The following HMOX2 variants were observed in gnomAD, a reference collection of about 807,000 sequenced individuals.
HMOX2 encodes heme oxygenase 2.
A neutral mutation model predicts 33.7 loss-of-function variants in HMOX2; 30 were observed. That is an observed-to-expected ratio of 0.89 (90% CI 0.67 to 1.21). The LOEUF is 1.21. Among genes scored for constraint, HMOX2 ranks in the 50% most tolerant of loss-of-function variants. The pLI is 0.00. For missense variants in HMOX2, 403 were observed against 399.1 expected (o/e 1.01, Z -0.08); for synonymous variants, 155 against 155.0 (o/e 1.00, Z 0.00).
intron 1 of HMOX2, among the ~76,000 whole-genome samples, chr16:4,504,394 C>CT: frequency 1.1e-5 from 1 of 92,494 alleles, no homozygotes; most frequent in South Asian, 3.3e-4. Flanking sequence ...GAGTTTCACT[C>CT]TTATTGCCCA....
intron 1 of HMOX2, among the ~76,000 whole-genome samples, chr16:4,504,133 A>G (rs1397326857): frequency 6.6e-6 from 1 of 152,192 alleles, no homozygotes; most frequent in African/African-American, 2.4e-5. Flanking sequence ...TGATTGGCCA[A>G]CTTAATATTT....
At chr16:4,487,478 C>T (rs1180410643) in intron 1 of HMOX2, among the ~76,000 whole-genome samples, 1 of 151,450 alleles carries the variant, frequency 6.6e-6, no homozygotes, top group African/African-American at 2.4e-5. Context: ...TGAGACCAGC[C>T]TGACCAACAT....
chr16:4,477,613 G>A (rs2057900372), intron 1 of HMOX2, among the ~76,000 whole-genome samples: 1 of 151,650 alleles, frequency 6.6e-6, no homozygotes, highest in Non-Finnish European at 1.5e-5. Flanking sequence ...AGACAAGGTG[G>A]AGTGTGATTG....
chr16:4,487,787 C>CA (rs1225589421), intron 1 of HMOX2, among the ~76,000 whole-genome samples: 4,593 of 115,792 alleles, frequency 0.04, 275 homozygotes, highest in African/African-American at 0.14. Context: ...GACTCCGTCT[C>CA]AAAAAAAAAA....
rs542821317 is a variant in HMOX2 at position 4,488,457 on chromosome 16, GTT to G, written c.-42+11973_-42+11974del. ...GAAGATTGTGACAGGAAGTTACACA[GTT>G]TTACAGCAAACTGCTGGGATTTTTT... is the stretch of plus-strand genomic sequence containing the variant. On this transcript the variant is annotated intron_variant, in intron 1 of 5. Transcript: ENST00000570646. Among the ~76,000 whole-genome samples the G allele has an allele frequency of 1.5e-3, 221 of 152,252 alleles. 1 individual carries two copies. Among genetic ancestry groups the G allele is most frequent in the Admixed American group, 4.8e-3 (74 of 15,280 alleles).
chr16:4,493,679 T>C (rs929489519), intron 1 of HMOX2, among the ~76,000 whole-genome samples: 2 of 152,190 alleles, frequency 1.3e-5, no homozygotes, highest in Admixed American at 6.5e-5. Flanking sequence ...TTAACATTTG[T>C]TGGGTGCCTA....
Position 4,510,180 on chromosome 16 carries a change from C to T in HMOX2, c.*424C>T, listed in dbSNP as rs1401095955. The stretch of plus-strand genomic sequence containing the variant: ...ACAACTTCTGGGCCTCTCTTGGACC[C>T]TGGGAGTGAGGGTGGGTGTGGGTGG... On this transcript the variant is annotated 3_prime_UTR_variant, in exon 6 of 6. Coordinates refer to ENST00000570646, the MANE Select transcript of HMOX2 (RefSeq NM_002134.4). The T allele has an allele frequency of 5.4e-6, 1 of 186,648 alleles. No homozygotes were observed. The highest frequency in any genetic ancestry group is 1.1e-5 in the Non-Finnish European group (1 of 88,518). 11.6% of individuals were successfully genotyped at this position (186,648 alleles called of 1,614,324 possible).
chr16:4,486,168 C>T (rs2058162756), intron 1 of HMOX2, among the ~76,000 whole-genome samples: 1 of 152,230 alleles, frequency 6.6e-6, no homozygotes, highest in African/African-American at 2.4e-5. Flanking sequence ...GTACACATCT[C>T]TTAATTTGTG....
intron 1 of HMOX2, among the ~76,000 whole-genome samples, chr16:4,486,911 T>C (rs2058182219): frequency 6.6e-6 from 1 of 152,206 alleles, no homozygotes; most frequent in African/African-American, 2.4e-5. Context: ...ATTTTAAGTA[T>C]GGAAGCTCAC....
intron 1 of HMOX2, among the ~76,000 whole-genome samples, chr16:4,479,037 G>C (rs895722733): frequency 3.3e-5 from 5 of 151,984 alleles, no homozygotes; most frequent in Non-Finnish European, 7.3e-5. Flanking sequence ...TGTAATCCCA[G>C]CTACTCGGGA....
In HMOX2 at chr16:4,507,644, G is replaced by T. The variant is rs899660026; in HGVS notation, c.205-69G>T. The T allele has an allele frequency of 4.5e-6, 7 of 1,541,490 alleles. No homozygotes were observed. In the African/African-American group the frequency reaches 9.6e-5, roughly 21 times the overall value. ...TTTGGGGTTGGGGGTTGTCACTTGA[G>T]CCTCTGCATCCAGCTGCTCGGATGT... On this transcript the variant is annotated intron_variant, in intron 3 of 5. Transcript: ENST00000570646.
At chr16:4,483,963 A>T (rs1174717899) in intron 1 of HMOX2, among the ~76,000 whole-genome samples, 1 of 137,744 alleles carries the variant, frequency 7.3e-6, no homozygotes, top group East Asian at 2.2e-4. Context: ...ACCCGTGCAT[A>T]TGCCCAAAAA....
chr16:4,491,324 A>C (rs1439380854), intron 1 of HMOX2, among the ~76,000 whole-genome samples: 1 of 152,182 alleles, frequency 6.6e-6, no homozygotes, highest in Non-Finnish European at 1.5e-5. Flanking sequence ...AACTAAAACA[A>C]TACAATATCT....
chr16:4,503,584 A>T (rs1275845905), intron 1 of HMOX2, among the ~76,000 whole-genome samples: 1 of 152,218 alleles, frequency 6.6e-6, no homozygotes, highest in Non-Finnish European at 1.5e-5. Flanking sequence ...TATGATCATG[A>T]TGTAACATTC....
chr16:4,500,717 A>T (rs1270618750), intron 1 of HMOX2, among the ~76,000 whole-genome samples: 1 of 152,128 alleles, frequency 6.6e-6, no homozygotes, highest in African/African-American at 2.4e-5. Flanking sequence ...ATGGAGGAGG[A>T]TTTACCATCT....
intron 1 of HMOX2, among the ~76,000 whole-genome samples, chr16:4,497,298 A>T (rs948999657): frequency 1.3e-5 from 2 of 152,128 alleles, no homozygotes; most frequent in Admixed American, 1.3e-4. Flanking sequence ...CCTAGGGATG[A>T]CCCAAGGTTT....
At chr16:4,503,402 T>C (rs1361362558) in intron 1 of HMOX2, among the ~76,000 whole-genome samples, 1 of 152,228 alleles carries the variant, frequency 6.6e-6, no homozygotes, top group Non-Finnish European at 1.5e-5. Flanking sequence ...ATGTAATACC[T>C]GCCTGCTTTC....
At position 4,507,695 on chromosome 16, in the gene HMOX2, C is replaced by T. The variant is rs540730340; in HGVS notation, c.205-18C>T. The T allele has an allele frequency of 6.7e-5, 107 of 1,608,758 alleles. No individual in the cohort carries two copies. The South Asian group carries it at 1.1e-3, about 16-fold the overall frequency. On this transcript the variant is annotated intron_variant, in intron 3 of 5. Transcript: ENST00000570646. ...GGTGTGCTCAGGCATAGCTGGCCTC[C>T]TCCTGTCACCTCCACAGCTGGCCAC...
rs2058796346 is a variant in HMOX2 at position 4,509,919 on chromosome 16, A to G, written c.*163A>G. 1.3e-6 allele frequency: 1 copy of G among 746,158 alleles called. No individual in the cohort carries two copies. The highest frequency in any genetic ancestry group is 2.2e-6 in the Non-Finnish European group (1 of 464,940). The allele number at this position is 746,158 out of a possible 1,614,324, so 46.2% of individuals were successfully genotyped here. ...GATGCTAGAGCCTCTGCCTGACAGC[A>G]TCCTCTCTATGGGCCATATTCCGCA... On this transcript the variant is annotated 3_prime_UTR_variant, in exon 6 of 6. Transcript: ENST00000570646.
Sources: allele counts gnomAD v4.1 joint callset (sites outside exome capture counted in the v4.1 genomes callset), GRCh38; gene constraint gnomAD v4.1.1; transcripts MANE v1.5; gene names NCBI Gene and HGNC (gene_info 2026-07-23, HGNC 2026-07-21).